The following MACROD2 variants were observed in gnomAD, a reference collection of about 807,000 sequenced individuals.
MACROD2 encodes the protein mono-ADP ribosylhydrolase 2.
MACROD2 carries 36 observed loss-of-function variants against 70.4 expected under a neutral mutation model. That is an observed-to-expected ratio of 0.51 (90% CI 0.39 to 0.68). MACROD2 has a LOEUF of 0.68. MACROD2 is among the 30% of genes least tolerant of loss of function. The probability of loss-of-function intolerance (pLI) is 0.00; values close to 1 mark genes in which losing one functional copy is unlikely to be tolerated. For missense variants in MACROD2, 496 were observed against 538.4 expected, an observed-to-expected ratio of 0.92 and a Z score of 0.78; for synonymous variants, 172 against 178.8, an observed-to-expected ratio of 0.96 and a Z score of 0.30.
intron 5 of MACROD2, among the ~76,000 whole-genome samples, chr20:14,716,862 G>A (rs2071402467): frequency 6.6e-6 from 1 of 152,268 alleles, no homozygotes; most frequent in South Asian, 2.1e-4. Context: ...ATTTTTGGTG[G>A]AGGAAAGGAA....
At chr20:14,846,894 A>G (rs748140571) in intron 5 of MACROD2, among the ~76,000 whole-genome samples, 4 of 152,204 alleles carry the variant, frequency 2.6e-5, no homozygotes, top group Non-Finnish European at 5.9e-5. Context: ...ACCATTTGGC[A>G]TATTCCTCAG....
intron 5 of MACROD2, among the ~76,000 whole-genome samples, chr20:15,049,259 C>A (rs954890644): frequency 1.4e-5 from 2 of 147,718 alleles, no homozygotes; most frequent in African/African-American, 2.5e-5. Flanking sequence ...AAAAGCATTG[C>A]AAGGAGAGAG....
intron 3 of MACROD2, among the ~76,000 whole-genome samples, chr20:14,136,791 A>C (rs112531898): frequency 6.6e-6 from 1 of 152,296 alleles, no homozygotes; most frequent in East Asian, 1.9e-4. Flanking sequence ...CAAACCTTCT[A>C]TTCTCTTCCC....
At chr20:14,997,853 G>A (rs1568918599) in intron 5 of MACROD2, among the ~76,000 whole-genome samples, 1 of 152,102 alleles carries the variant, frequency 6.6e-6, no homozygotes, top group Non-Finnish European at 1.5e-5. Context: ...CAGCTATAGG[G>A]GTATTTGTGT....
intron 4 of MACROD2, among the ~76,000 whole-genome samples, chr20:14,552,781 C>T (rs1260673685): frequency 6.6e-6 from 1 of 152,008 alleles, no homozygotes; most frequent in Non-Finnish European, 1.5e-5. Context: ...AGAAAAGGTA[C>T]AGTAAAAATT....
chr20:15,678,419 GCA>G (rs2050105064), intron 8 of MACROD2, among the ~76,000 whole-genome samples: 1 of 151,852 alleles, frequency 6.6e-6, no homozygotes, highest in Non-Finnish European at 1.5e-5. Context: ...GAGTGCAGTG[GCA>G]TGATCTCGGC....
At chr20:15,317,622 G>A (rs1313602289) in intron 6 of MACROD2, among the ~76,000 whole-genome samples, 3 of 151,850 alleles carry the variant, frequency 2.0e-5, no homozygotes, top group Non-Finnish European at 4.4e-5. Flanking sequence ...CAAAAAAGTT[G>A]AGAATATAAG....
intron 8 of MACROD2, among the ~76,000 whole-genome samples, chr20:15,770,731 C>A (rs1427290657): frequency 6.6e-6 from 1 of 152,024 alleles, no homozygotes; most frequent in Non-Finnish European, 1.5e-5. Context: ...GTCACCCAAC[C>A]TTGGCTCCAG....
At chr20:14,591,570 T>C (rs931605387) in intron 4 of MACROD2, among the ~76,000 whole-genome samples, 5 of 152,170 alleles carry the variant, frequency 3.3e-5, no homozygotes, top group Admixed American at 6.5e-5. Context: ...CAAAAGCCAA[T>C]GATGAACTGG....
chr20:15,553,788 A>G (rs1357838086), intron 8 of MACROD2, among the ~76,000 whole-genome samples: 1 of 152,248 alleles, frequency 6.6e-6, no homozygotes, highest in East Asian at 1.9e-4. Flanking sequence ...GAATGAGTTT[A>G]TATTCAAAGA....
chr20:15,305,860 G>A (rs530914282), intron 6 of MACROD2, among the ~76,000 whole-genome samples: 12 of 152,188 alleles, frequency 7.9e-5, no homozygotes, highest in African/African-American at 2.6e-4. Context: ...TGAATGTAAT[G>A]GTCTAACCTT....
chr20:14,194,478 G>C (rs974071382), intron 3 of MACROD2, among the ~76,000 whole-genome samples: 1 of 152,116 alleles, frequency 6.6e-6, no homozygotes, highest in Non-Finnish European at 1.5e-5. Context: ...GCTCTCACCA[G>C]CTGCTGAGAC....
At chr20:14,859,957 GT>G (rs2073296742) in intron 5 of MACROD2, among the ~76,000 whole-genome samples, 1 of 152,122 alleles carries the variant, frequency 6.6e-6, no homozygotes, top group Non-Finnish European at 1.5e-5. Context: ...GACTTGTCCA[GT>G]GTCACCTAGC....
chr20:15,116,689 A>T (rs559310941), intron 5 of MACROD2, among the ~76,000 whole-genome samples: 10 of 152,304 alleles, frequency 6.6e-5, no homozygotes, highest in African/African-American at 2.4e-4. Context: ...TGATTTTCTT[A>T]ATAACATCTT....
chr20:15,866,454 A>G (rs1288071684), intron 9 of MACROD2, among the ~76,000 whole-genome samples: 2 of 152,096 alleles, frequency 1.3e-5, no homozygotes, highest in South Asian at 2.1e-4. Context: ...CCAAAAGGAA[A>G]AAAAGAAAAA....
chr20:15,756,467 C>T (rs943334553), intron 8 of MACROD2, among the ~76,000 whole-genome samples: 2 of 151,920 alleles, frequency 1.3e-5, no homozygotes, highest in Non-Finnish European at 2.9e-5. Flanking sequence ...ACCCCCTAAG[C>T]AGGAGTAAAA....
intron 4 of MACROD2, among the ~76,000 whole-genome samples, chr20:14,647,568 T>C (rs542194293): frequency 3.0e-4 from 45 of 152,170 alleles, no homozygotes; most frequent in Non-Finnish European, 4.7e-4. Context: ...AGGTCAAGAA[T>C]GTAGGGAAAC....
chr20:15,438,820 T>A (rs1343246254), intron 7 of MACROD2, among the ~76,000 whole-genome samples: 2 of 152,184 alleles, frequency 1.3e-5, no homozygotes, highest in African/African-American at 4.8e-5. Context: ...AATATTTGGT[T>A]CATGACAGCA....
At chr20:15,004,505 ACC>A (rs2075020741) in intron 5 of MACROD2, among the ~76,000 whole-genome samples, 1 of 152,220 alleles carries the variant, frequency 6.6e-6, no homozygotes, top group African/African-American at 2.4e-5. Flanking sequence ...TGGGTGTACT[ACC>A]AGATAGCTAT....
Sources: gnomAD v4.1 joint callset for allele counts (sites outside exome capture counted in the v4.1 genomes callset) on GRCh38, gnomAD v4.1.1 for gene constraint, MANE v1.5 for transcripts, NCBI Gene and HGNC (gene_info 2026-07-23, HGNC 2026-07-21) for gene names.